CEP135: variants seen among roughly 807,000 people sequenced by gnomAD.
The protein encoded by CEP135 is centrosomal protein of 135 kDa.
A neutral mutation model predicts 157.3 loss-of-function variants in CEP135; 142 were observed. The ratio of observed to expected loss-of-function variants is 0.90; its 90% CI spans 0.79 to 1.04. The LOEUF (loss-of-function observed/expected upper bound fraction) is 1.04. Ranked by LOEUF, CEP135 falls within the 50% of genes least tolerant of loss-of-function variation. CEP135 has a pLI of 0.00. For missense variants in CEP135, 1,317 were observed against 1,309.2 expected (o/e 1.01, Z -0.09); for synonymous variants, 396 against 439.8 (o/e 0.90, Z 1.25).
At chr4:55,979,621 T>G (rs1308344508) in intron 11 of CEP135, among the ~76,000 whole-genome samples, 3 of 152,132 alleles carry the variant, frequency 2.0e-5, no homozygotes, top group Admixed American at 6.6e-5. Context: ...GGCACACAAG[T>G]ACCCTGCTGG....
intron 11 of CEP135, 22 bp from the exon 12 acceptor site, chr4:55,980,121 T>G (rs1243081780): frequency 6.3e-7 from 1 of 1,580,838 alleles, no homozygotes; most frequent in Admixed American, 1.8e-5. Context: ...TGATTATATT[T>G]TGTTTTTTAA....
intron 18 of CEP135, among the ~76,000 whole-genome samples, chr4:56,009,505 A>G (rs1038807980): frequency 2.6e-5 from 4 of 152,190 alleles, no homozygotes; most frequent in African/African-American, 9.6e-5. Context: ...TTCTGTGTTT[A>G]CTTGACTGTT....
At chr4:55,983,050 T>A (rs1729464524) in intron 13 of CEP135, among the ~76,000 whole-genome samples, 1 of 152,228 alleles carries the variant, frequency 6.6e-6, no homozygotes, top group Non-Finnish European at 1.5e-5. Flanking sequence ...TATGTCACAA[T>A]GTTCAGTTGA....
At chr4:55,998,876 A>C (rs992720696) in intron 15 of CEP135, among the ~76,000 whole-genome samples, 2 of 152,142 alleles carry the variant, frequency 1.3e-5, no homozygotes, top group Non-Finnish European at 2.9e-5. Context: ...AACAAACAAA[A>C]AAAAGAGCTC....
At chr4:56,020,606 T>TA (rs1418504129) in intron 23 of CEP135, 70 bp from the exon 24 acceptor site, 89 of 1,261,196 alleles carry the variant, frequency 7.1e-5, no homozygotes, top group Non-Finnish European at 9.8e-5. Flanking sequence ...TTTATTAATT[T>TA]AAAAAACCCA....
chr4:56,018,305 T>C (rs1730852134), intron 22 of CEP135, among the ~76,000 whole-genome samples: 2 of 152,126 alleles, frequency 1.3e-5, no homozygotes, highest in African/African-American at 4.8e-5. Flanking sequence ...GACTACAGGA[T>C]TTTGACAACC....
chr4:55,980,392 C>A (rs1729361737), intron 12 of CEP135, 97 bp downstream of exon 12: 3 of 679,532 alleles, frequency 4.4e-6, no homozygotes, highest in Non-Finnish European at 7.0e-6. Flanking sequence ...AATATATGGA[C>A]CTGTGATATT....
intron 21 of CEP135, among the ~76,000 whole-genome samples, chr4:56,017,094 G>T (rs192004693): frequency 1.3e-5 from 2 of 151,726 alleles, no homozygotes; most frequent in Admixed American, 1.3e-4. Flanking sequence ...TTCAACTGTG[G>T]ATTCTTCTAG....
chr4:55,955,319 G>C (rs73820218), intron 4 of CEP135, among the ~76,000 whole-genome samples: 53 of 152,298 alleles, frequency 3.5e-4, no homozygotes, highest in Middle Eastern at 3.4e-3. Flanking sequence ...ATTGCAGTCA[G>C]AGTGGAATTT....
At chr4:56,027,945 C>T (rs1245520778) in intron 25 of CEP135, among the ~76,000 whole-genome samples, 2 of 152,128 alleles carry the variant, frequency 1.3e-5, no homozygotes, top group African/African-American at 2.4e-5. Flanking sequence ...CTTAACCTTC[C>T]CAGCTCCTAG....
At chr4:56,004,059 C>G (rs796831347) in intron 17 of CEP135, among the ~76,000 whole-genome samples, 8 of 152,214 alleles carry the variant, frequency 5.3e-5, no homozygotes, top group African/African-American at 1.9e-4. Context: ...TATAAACTTC[C>G]CTCTTAGCAC....
chr4:55,970,118 C>T (rs184610603), intron 9 of CEP135, among the ~76,000 whole-genome samples: 14 of 152,010 alleles, frequency 9.2e-5, no homozygotes, highest in South Asian at 6.2e-4. Flanking sequence ...GTGATTCTCC[C>T]GCCCCGGCCT....
chr4:55,981,588 C>G (rs1340006138), intron 13 of CEP135, among the ~76,000 whole-genome samples: 1 of 152,078 alleles, frequency 6.6e-6, no homozygotes, highest in Admixed American at 6.6e-5. Context: ...TTATCTTTAG[C>G]TTCTTTTGTA....
At chr4:56,007,619 A>AT (rs763377807) in intron 17 of CEP135, among the ~76,000 whole-genome samples, 2 of 152,192 alleles carry the variant, frequency 1.3e-5, no homozygotes, top group African/African-American at 2.4e-5. Context: ...GTGTTGAGGC[A>AT]TGGAACAGGT....
intron 9 of CEP135, 38 bp from the exon 10 acceptor site, chr4:55,971,232 G>GT: frequency 6.8e-7 from 1 of 1,475,124 alleles, no homozygotes; most frequent in Non-Finnish European, 9.1e-7. Flanking sequence ...ATTTTATAAA[G>GT]TTGTTAGAAA....
intron 19 of CEP135, among the ~76,000 whole-genome samples, chr4:56,011,181 G>A (rs1730569914): frequency 6.6e-6 from 1 of 152,198 alleles, no homozygotes; most frequent in Non-Finnish European, 1.5e-5. Flanking sequence ...GCTGCAGTGA[G>A]CTGTGATCAC....
In CEP135 at chr4:56,011,484, A is replaced by G; in HGVS notation, c.2578A>G (p.Thr860Ala). Residue 860 changes from threonine (T) to alanine (A), a missense_variant, in exon 20 of 26, where the codon ACA becomes GCA. By Grantham distance (58) the Thr-to-Ala change is moderately conservative. Coordinates refer to ENST00000257287, the MANE Select transcript of CEP135 (RefSeq NM_025009.5). ...GAAGAGCAGAGTTCATAAATACATA[A>G]CAGAGGTGTCACGATGGGAGAGCTT... ...EMKSRVHKYITEVSRWESLMA... is the reference protein window; with the variant it reads ...EMKSRVHKYIAEVSRWESLMA... The G allele has an allele frequency of 6.2e-7, 1 of 1,612,552 alleles. No homozygotes were observed. Among genetic ancestry groups the G allele is most frequent in the Non-Finnish European group, 8.5e-7 (1 of 1,179,552 alleles).
chr4:55,969,526 A>C, intron 9 of CEP135, among the ~76,000 whole-genome samples: 1 of 151,382 alleles, frequency 6.6e-6, no homozygotes, highest in East Asian at 1.9e-4. Flanking sequence ...CTGTAGATTT[A>C]TCTATTCTGG....
chr4:56,014,934 G>A (rs1170736487), intron 21 of CEP135, among the ~76,000 whole-genome samples: 1 of 152,022 alleles, frequency 6.6e-6, no homozygotes, highest in Non-Finnish European at 1.5e-5. Flanking sequence ...GTGGCACGTG[G>A]CTGTAGTCCC....
Sources: gnomAD v4.1 joint callset for allele counts (sites outside exome capture counted in the v4.1 genomes callset) on GRCh38, gnomAD v4.1.1 for gene constraint, MANE v1.5 for transcripts, NCBI Gene and HGNC (gene_info 2026-07-23, HGNC 2026-07-21) for gene names.